The following BMP5 variants were observed in gnomAD, a reference collection of about 807,000 sequenced individuals.
BMP5 encodes the protein bone morphogenetic protein 5.
A neutral mutation model predicts 46.6 loss-of-function variants in BMP5; 23 were observed. The observed-to-expected ratio is 0.49, with a 90% CI of 0.35 to 0.70. The LOEUF (loss-of-function observed/expected upper bound fraction) is 0.70. Ranked by LOEUF, BMP5 falls within the 30% of genes least tolerant of loss-of-function variation. BMP5 has a pLI of 0.00. For missense variants in BMP5, 545 were observed against 565.6 expected (o/e 0.96, Z 0.37); for synonymous variants, 204 against 191.9 (o/e 1.06, Z -0.52).
At chr6:55,759,561 AC>A (rs1296020070) in intron 5 of BMP5, among the ~76,000 whole-genome samples, 2 of 152,002 alleles carry the variant, frequency 1.3e-5, no homozygotes, top group African/African-American at 2.4e-5. Context: ...CATTCTCATT[AC>A]TTCTTAAGAA....
At chr6:55,865,119 T>A (rs1177838054) in intron 1 of BMP5, among the ~76,000 whole-genome samples, 1 of 152,146 alleles carries the variant, frequency 6.6e-6, no homozygotes, top group Non-Finnish European at 1.5e-5. Flanking sequence ...CTGCTTAGAG[T>A]TTAAAAGTTT....
At chr6:55,826,058 C>CT (rs1776524699) in intron 1 of BMP5, among the ~76,000 whole-genome samples, 1 of 151,854 alleles carries the variant, frequency 6.6e-6, no homozygotes, top group African/African-American at 2.4e-5. Flanking sequence ...CCTTCGCTAA[C>CT]TAGTCCACCA....
chr6:55,840,154 T>C (rs1268969843), intron 1 of BMP5, among the ~76,000 whole-genome samples: 4 of 152,122 alleles, frequency 2.6e-5, no homozygotes, highest in African/African-American at 9.6e-5. Flanking sequence ...ATTTCTTAAT[T>C]TTATTTTCTA....
chr6:55,855,793 G>A (rs550253039), intron 1 of BMP5, among the ~76,000 whole-genome samples: 1 of 152,130 alleles, frequency 6.6e-6, no homozygotes, highest in Admixed American at 6.5e-5. Flanking sequence ...AAATTTTTAA[G>A]TATTTTTTAA....
At position 55,780,456 on chromosome 6, in the gene BMP5, T is replaced by TAAAAA. The variant is rs369703099; in HGVS notation, c.833-6218_833-6214dup. 8.1e-3 allele frequency among the ~76,000 whole-genome samples: 504 copies of TAAAAA among 61,962 alleles called. 22 individuals are homozygous for TAAAAA. The highest frequency in any genetic ancestry group is 0.05 in the Middle Eastern group (4 of 80). 40.6% of individuals were successfully genotyped at this position (61,962 alleles called of 152,430 possible). On this transcript the variant is annotated intron_variant, in intron 3 of 6. Coordinates refer to ENST00000370830, the MANE Select transcript of BMP5 (RefSeq NM_021073.4). The stretch of plus-strand genomic sequence containing the variant: ...TAACACAGTGAAACCCCATCACTAC[T>TAAAAA]AAAAAAAAAAAAAAAAAGAAAGAAA...
At chr6:55,864,223 C>T (rs1173104094) in intron 1 of BMP5, among the ~76,000 whole-genome samples, 1 of 152,100 alleles carries the variant, frequency 6.6e-6, no homozygotes, top group African/African-American at 2.4e-5. Context: ...AAAAATCTAG[C>T]AGTAATTATC....
At chr6:55,814,507 A>G (rs1350620511) in intron 2 of BMP5, among the ~76,000 whole-genome samples, 1 of 152,198 alleles carries the variant, frequency 6.6e-6, no homozygotes, top group Admixed American at 6.5e-5. Context: ...TCCAAGAAAT[A>G]TAGAAATTTC....
chr6:55,824,512 A>G (rs936586117), intron 1 of BMP5, among the ~76,000 whole-genome samples: 1 of 151,958 alleles, frequency 6.6e-6, no homozygotes, highest in African/African-American at 2.4e-5. Context: ...TAATTACCAT[A>G]TAAAAACAAA....
Position 55,759,181 on chromosome 6 carries a change from A to AAAC in BMP5, c.1105-69_1105-67dup, listed in dbSNP as rs1562023512. Reference sequence around the variant, plus strand: ...AAAAAAAAAAAAAAAAAAAAAAAAAAAACAACAAGAAAAAATATCACCAAA... The same window carrying AAAC: ...AAAAAAAAAAAAAAAAAAAAAAAAAAAACAACAACAAGAAAAAATATCACCAAA... On this transcript the variant is annotated intron_variant, in intron 5 of 6. Coordinates refer to ENST00000370830, the MANE Select transcript of BMP5 (RefSeq NM_021073.4). 112 of 751,050 alleles carry AAAC rather than the reference A, an allele frequency of 1.5e-4. 1 individual carries two copies. The highest frequency in any genetic ancestry group is 8.9e-4 in the African/African-American group (33 of 37,252). 46.5% of individuals were successfully genotyped at this position (751,050 alleles called of 1,614,324 possible).
chr6:55,814,099 T>A (rs1776200140), intron 2 of BMP5, among the ~76,000 whole-genome samples: 1 of 152,128 alleles, frequency 6.6e-6, no homozygotes, highest in African/African-American at 2.4e-5. Context: ...ATGATATTGC[T>A]ATTAAATTGG....
chr6:55,792,496 T>C (rs946809729), intron 3 of BMP5, among the ~76,000 whole-genome samples: 1 of 140,158 alleles, frequency 7.1e-6, no homozygotes, highest in Non-Finnish European at 1.5e-5. Context: ...ATTGCGCCAC[T>C]GCACTCCAGC....
chr6:55,770,761 C>T (rs1775029168), intron 4 of BMP5, among the ~76,000 whole-genome samples: 2 of 151,678 alleles, frequency 1.3e-5, no homozygotes, highest in African/African-American at 4.8e-5. Context: ...ACTTTTAGGC[C>T]ATTGTCGGGT....
At chr6:55,783,363 C>T (rs909017554) in intron 3 of BMP5, among the ~76,000 whole-genome samples, 4 of 151,896 alleles carry the variant, frequency 2.6e-5, no homozygotes, top group Non-Finnish European at 4.4e-5. Context: ...TGGTTAGATG[C>T]CTTTGTTTTT....
chr6:55,786,049 G>A (rs1441583096), intron 3 of BMP5, among the ~76,000 whole-genome samples: 1 of 151,466 alleles, frequency 6.6e-6, no homozygotes, highest in Non-Finnish European at 1.5e-5. Context: ...TATATGCCTG[G>A]GTATTCCATG....
At chr6:55,793,804 G>A (rs1316734830) in intron 3 of BMP5, among the ~76,000 whole-genome samples, 30 of 151,998 alleles carry the variant, frequency 2.0e-4, no homozygotes, top group Admixed American at 1.7e-3. Context: ...ATTATTGGTA[G>A]CTCCTTTACT....
intron 3 of BMP5, among the ~76,000 whole-genome samples, chr6:55,782,252 C>T (rs901917471): frequency 3.9e-5 from 6 of 152,050 alleles, no homozygotes; most frequent in Non-Finnish European, 5.9e-5. Context: ...AAAATATGTG[C>T]AATATTGTTT....
chr6:55,830,968 T>A (rs1249540749), intron 1 of BMP5, among the ~76,000 whole-genome samples: 1 of 151,910 alleles, frequency 6.6e-6, no homozygotes, highest in Non-Finnish European at 1.5e-5. Flanking sequence ...AGTTTAGACT[T>A]TTTTTTTCCT....
chr6:55,831,784 T>A (rs2127542388), intron 1 of BMP5, among the ~76,000 whole-genome samples: 1 of 152,228 alleles, frequency 6.6e-6, no homozygotes, highest in East Asian at 1.9e-4. Context: ...AAAACCAGTG[T>A]TCCCAGCTCA....
chr6:55,782,159 G>A (rs762742971), intron 3 of BMP5, among the ~76,000 whole-genome samples: 5 of 152,110 alleles, frequency 3.3e-5, no homozygotes, highest in East Asian at 1.9e-4. Flanking sequence ...AATAATAAAC[G>A]TTTAAAATGA....
Sources: gnomAD v4.1 joint callset for allele counts (sites outside exome capture counted in the v4.1 genomes callset) on GRCh38, gnomAD v4.1.1 for gene constraint, MANE v1.5 for transcripts, NCBI Gene and HGNC (gene_info 2026-07-23, HGNC 2026-07-21) for gene names.